The following IFT88 variants were observed in gnomAD, a reference collection of about 807,000 sequenced individuals.
The protein encoded by IFT88 is intraflagellar transport protein 88 homolog.
In IFT88, 74 loss-of-function variants were observed where a neutral mutation model predicts 119.5. That is an observed-to-expected ratio of 0.62 (90% CI 0.51 to 0.75). IFT88 has a LOEUF of 0.75. Ranked by LOEUF, IFT88 falls within the 30% of genes least tolerant of loss-of-function variation. The pLI is 0.00. For synonymous variants in IFT88, 279 were observed against 316.7 expected (o/e 0.88, Z 1.26); for missense variants, 961 against 977.7 (o/e 0.98, Z 0.23).
chr13:20,583,822 G>A (rs1421934043), intron 3 of IFT88, among the ~76,000 whole-genome samples: 1 of 152,022 alleles, frequency 6.6e-6, no homozygotes, highest in East Asian at 1.9e-4. Context: ...TAAGATAAAG[G>A]TCCAAATTCA....
intron 20 of IFT88, among the ~76,000 whole-genome samples, chr13:20,647,185 C>T (rs1285023071): frequency 6.6e-6 from 1 of 152,152 alleles, no homozygotes; most frequent in African/African-American, 2.4e-5. Context: ...CCACTTGCAC[C>T]TGCTGTTATC....
chr13:20,594,726 C>G (rs2041338259), intron 7 of IFT88, among the ~76,000 whole-genome samples: 1 of 152,080 alleles, frequency 6.6e-6, no homozygotes, highest in South Asian at 2.1e-4. Context: ...CTTCATGTAA[C>G]CTTCATAAAA....
chr13:20,673,018 A>T (rs546953615), intron 24 of IFT88, among the ~76,000 whole-genome samples: 10 of 152,302 alleles, frequency 6.6e-5, no homozygotes, highest in Non-Finnish European at 1.3e-4. Flanking sequence ...CCTAGGAAGC[A>T]GGAAGTACGT....
intron 15 of IFT88, among the ~76,000 whole-genome samples, chr13:20,628,101 A>G (rs1264622058): frequency 6.6e-6 from 1 of 152,246 alleles, no homozygotes; most frequent in Non-Finnish European, 1.5e-5. Context: ...CGTATCTCAT[A>G]ATAATCATTT....
chr13:20,673,816 A>G (rs1386536180), intron 24 of IFT88, among the ~76,000 whole-genome samples: 1 of 152,040 alleles, frequency 6.6e-6, no homozygotes, highest in African/African-American at 2.4e-5. Context: ...AGTCAGTTCT[A>G]GTGCACAAAT....
At chr13:20,587,472 G>T (rs558092874) in intron 3 of IFT88, among the ~76,000 whole-genome samples, 116 of 152,186 alleles carry the variant, frequency 7.6e-4, no homozygotes, top group Admixed American at 1.4e-3. Flanking sequence ...TAGTCAGGCT[G>T]GTCTTGAATT....
chr13:20,583,984 T>C (rs1475272224), intron 3 of IFT88, among the ~76,000 whole-genome samples: 2 of 152,216 alleles, frequency 1.3e-5, no homozygotes, highest in Admixed American at 6.5e-5. Flanking sequence ...TCTATTGGTC[T>C]ATTTGTCTGC....
chr13:20,641,483 G>A (rs1242549824), intron 18 of IFT88, 85 bp downstream of exon 18: 1 of 758,750 alleles, frequency 1.3e-6, no homozygotes, highest in African/African-American at 1.7e-5. Context: ...TTTAACTAAT[G>A]AAGTAATTGA....
intron 1 of IFT88, among the ~76,000 whole-genome samples, chr13:20,572,411 G>A (rs1011266497): frequency 1.2e-4 from 19 of 152,138 alleles, no homozygotes; most frequent in African/African-American, 4.6e-4. Context: ...TAGCGATGGG[G>A]TTTCACCATC....
At chr13:20,676,577 T>A (rs1180004924) in intron 24 of IFT88, among the ~76,000 whole-genome samples, 1 of 152,252 alleles carries the variant, frequency 6.6e-6, no homozygotes, top group Non-Finnish European at 1.5e-5. Context: ...GGGTCATGTT[T>A]ATCCATGCAG....
intron 23 of IFT88, among the ~76,000 whole-genome samples, chr13:20,666,257 C>T (rs1344077951): frequency 1.3e-5 from 2 of 152,214 alleles, no homozygotes; most frequent in Non-Finnish European, 2.9e-5. Context: ...ACTTCTCAAA[C>T]TATCTGTGGT....
In IFT88 at chr13:20,572,386, T is replaced by C. The variant is rs185154910; in HGVS notation, c.-6-1994T>C. Among the ~76,000 whole-genome samples, 12 of 152,146 alleles carry C rather than the reference T, an allele frequency of 7.9e-5. No homozygotes were observed. In the East Asian group the frequency reaches 2.3e-3, roughly 29 times the overall value. On this transcript the variant is annotated intron_variant, in intron 1 of 25. Transcript: ENST00000351808. The stretch of plus-strand genomic sequence containing the variant: ...GATGTGCACCACCATGCCCGGCTAG[T>C]TTTTGTATTTTTAGTAGCGATGGGG...
intron 12 of IFT88, among the ~76,000 whole-genome samples, chr13:20,603,512 A>G (rs2139198366): frequency 1.3e-5 from 2 of 152,292 alleles, no homozygotes; most frequent in East Asian, 3.9e-4. Flanking sequence ...TATATATGTA[A>G]TGGGATTAAC....
chr13:20,668,575 C>G (rs1276361431), intron 23 of IFT88, among the ~76,000 whole-genome samples: 1 of 152,164 alleles, frequency 6.6e-6, no homozygotes, highest in African/African-American at 2.4e-5. Context: ...TTCACTGATT[C>G]TCAACTGCAA....
chr13:20,594,219 A>G (rs2041234856), intron 7 of IFT88, among the ~76,000 whole-genome samples: 1 of 152,134 alleles, frequency 6.6e-6, no homozygotes. Context: ...GGCTTTCCCC[A>G]AGCGCCTGCC....
At chr13:20,685,579 G>A (rs2057820396) in intron 24 of IFT88, among the ~76,000 whole-genome samples, 1 of 152,196 alleles carries the variant, frequency 6.6e-6, no homozygotes, top group South Asian at 2.1e-4. Context: ...CCTTTAAAAT[G>A]CCCGTACCCA....
chr13:20,596,111 T>C, intron 7 of IFT88, 39 bp from the exon 8 acceptor site: 1 of 659,200 alleles, frequency 1.5e-6, no homozygotes, highest in South Asian at 3.4e-5. Context: ...TTTTTAGAGG[T>C]TGAATGATTT....
chr13:20,682,204 T>C (rs191530669), intron 24 of IFT88, among the ~76,000 whole-genome samples: 74 of 152,358 alleles, frequency 4.9e-4, no homozygotes, highest in African/African-American at 1.6e-3. Flanking sequence ...AATTAGAGTC[T>C]GTGAATTAGC....
chr13:20,674,948 C>T (rs1488796120), intron 24 of IFT88, among the ~76,000 whole-genome samples: 4 of 151,690 alleles, frequency 2.6e-5, no homozygotes, highest in African/African-American at 2.4e-5. Context: ...CTCCTGACCT[C>T]GTGATCCACC....
Sources: allele counts gnomAD v4.1 joint callset (sites outside exome capture counted in the v4.1 genomes callset), GRCh38; gene constraint gnomAD v4.1.1; transcripts MANE v1.5; gene names NCBI Gene and HGNC (gene_info 2026-07-23, HGNC 2026-07-21).